The following CORO2B variants were observed in gnomAD, a reference collection of about 807,000 sequenced individuals.
The protein encoded by CORO2B is coronin-2B.
A neutral mutation model predicts 58.8 loss-of-function variants in CORO2B; 26 were observed. The observed-to-expected ratio is 0.44, with a 90% CI of 0.32 to 0.61. CORO2B has a LOEUF of 0.61. CORO2B is among the 20% of genes least tolerant of loss of function. The pLI is 0.04. For synonymous variants in CORO2B, 242 were observed against 253.8 expected (o/e 0.95, Z 0.44); for missense variants, 460 against 645.1 (o/e 0.71, Z 3.11).
At chr15:68,627,351 C>T in intron 1 of CORO2B, among the ~76,000 whole-genome samples, 1 of 152,144 alleles carries the variant, frequency 6.6e-6, no homozygotes, top group East Asian at 1.9e-4. Flanking sequence ...GGGCAACTTG[C>T]CCTCAGTGCC....
the CORO2B span, among the ~76,000 whole-genome samples, chr15:68,543,352 C>T: frequency 2.0e-3 from 306 of 152,270 alleles, no homozygotes; most frequent in African/African-American, 7.0e-3. Context: ...AAATGCCTCT[C>T]TCTCCTGGAC....
At chr15:68,615,950 A>G (rs1227150135) in intron 1 of CORO2B, among the ~76,000 whole-genome samples, 1 of 152,236 alleles carries the variant, frequency 6.6e-6, no homozygotes, top group Non-Finnish European at 1.5e-5. Flanking sequence ...AACTTTGCCC[A>G]GATGAGCAGG....
At chr15:68,545,072 C>A in the CORO2B span, among the ~76,000 whole-genome samples, 1 of 152,182 alleles carries the variant, frequency 6.6e-6, no homozygotes, top group African/African-American at 2.4e-5. Flanking sequence ...CCACGCCCGG[C>A]CTGCAAGGCA....
chr15:68,630,093 C>T (rs1290073829), intron 1 of CORO2B, among the ~76,000 whole-genome samples: 1 of 152,198 alleles, frequency 6.6e-6, no homozygotes, highest in Non-Finnish European at 1.5e-5. Context: ...GCCAGATGTT[C>T]TGCATCCATT....
the CORO2B span, among the ~76,000 whole-genome samples, chr15:68,532,028 T>C: frequency 6.6e-6 from 1 of 152,114 alleles, no homozygotes; most frequent in Admixed American, 6.5e-5. Context: ...AAAAAGTCTG[T>C]GGTATTTTAA....
Position 68,645,062 on chromosome 15 carries a change from G to A in CORO2B, c.16-98G>A, listed in dbSNP as rs773092832. On this transcript the variant is annotated intron_variant, in intron 1 of 11. Transcript: ENST00000261861. This position sits in a 1 kb window ranked among gnomAD's most constrained non-coding sequence, Gnocchi z 4.5. Reference sequence around the variant, plus strand: ...GGGACCCAGGGCCTGCTCACCTGCTGCACCTCTGAGCCGCAGCTTCCCTCC... The same window carrying A: ...GGGACCCAGGGCCTGCTCACCTGCTACACCTCTGAGCCGCAGCTTCCCTCC... 6 of 1,266,934 alleles carry A rather than the reference G, an allele frequency of 4.7e-6. No homozygotes were observed. The highest frequency in any genetic ancestry group is 6.6e-6 in the Non-Finnish European group (6 of 909,414). 78.5% of individuals were successfully genotyped at this position (1,266,934 alleles called of 1,614,324 possible). A position where few individuals can be genotyped will look rare whatever the true frequency, so the allele number is the denominator to read the frequency against.
chr15:68,647,574 G>A (rs984137449), intron 2 of CORO2B, among the ~76,000 whole-genome samples: 8 of 151,812 alleles, frequency 5.3e-5, no homozygotes, highest in Non-Finnish European at 1.0e-4. Context: ...CTGTAATTCC[G>A]GCTGCTCTGG....
intron 3 of CORO2B, among the ~76,000 whole-genome samples, chr15:68,697,741 G>A (rs1028318246): frequency 6.6e-6 from 1 of 152,224 alleles, no homozygotes; most frequent in Non-Finnish European, 1.5e-5. Flanking sequence ...GGGCACAGGT[G>A]CTGGAGCTGG....
chr15:68,673,835 TA>T (rs10579845), intron 2 of CORO2B, among the ~76,000 whole-genome samples: 22,009 of 92,354 alleles, frequency 0.24, 2,237 homozygotes, highest in Middle Eastern at 0.28. Context: ...AGACTCCGTC[TA>T]AAAAAAAAAA....
chr15:68,621,568 G>A (rs1900519945), intron 1 of CORO2B, among the ~76,000 whole-genome samples: 1 of 152,176 alleles, frequency 6.6e-6, no homozygotes. Flanking sequence ...CTGTGGCTCT[G>A]TCTTCATAAC....
upstream of CORO2B, among the ~76,000 whole-genome samples, chr15:68,577,859 C>G (rs1899319012): frequency 6.6e-6 from 1 of 152,194 alleles, no homozygotes; most frequent in African/African-American, 2.4e-5. Context: ...TCTGTTCCCC[C>G]AGCACTTTCC....
intron 2 of CORO2B, among the ~76,000 whole-genome samples, chr15:68,681,810 C>T (rs1024224537): frequency 1.3e-5 from 2 of 152,140 alleles, no homozygotes; most frequent in Admixed American, 6.5e-5. Flanking sequence ...CTCTGAAAAG[C>T]GGAGACATTG....
intron 2 of CORO2B, among the ~76,000 whole-genome samples, chr15:68,685,003 G>A (rs1198002286): frequency 1.3e-5 from 2 of 152,176 alleles, no homozygotes; most frequent in Admixed American, 1.3e-4. Context: ...ACACAGTGAG[G>A]GAAAGTGATG....
At chr15:68,624,254 C>A (rs773019799) in intron 1 of CORO2B, among the ~76,000 whole-genome samples, 6 of 152,206 alleles carry the variant, frequency 3.9e-5, no homozygotes, top group Admixed American at 2.0e-4. Flanking sequence ...TGGTGTGAGA[C>A]TGCAGTCCCA....
chr15:68,704,111 G>A (rs79017522), intron 3 of CORO2B, among the ~76,000 whole-genome samples: 4,762 of 150,766 alleles, frequency 0.032, 230 homozygotes, highest in African/African-American at 0.11. Flanking sequence ...ATGGTGGTGC[G>A]CATCTGTAGT....
chr15:68,534,392 G>T, the CORO2B span, among the ~76,000 whole-genome samples: 1 of 152,178 alleles, frequency 6.6e-6, no homozygotes. Context: ...TGGTAAAGTG[G>T]CACTTCTTAA....
At chr15:68,593,470 G>T (rs900958891) in intron 1 of CORO2B, among the ~76,000 whole-genome samples, 3 of 152,146 alleles carry the variant, frequency 2.0e-5, no homozygotes, top group Non-Finnish European at 4.4e-5. Flanking sequence ...TAGCAGCCAG[G>T]TCTGGATGTA....
At chr15:68,683,380 C>T (rs1437535927) in intron 2 of CORO2B, among the ~76,000 whole-genome samples, 3 of 152,246 alleles carry the variant, frequency 2.0e-5, no homozygotes, top group Non-Finnish European at 4.4e-5. Flanking sequence ...GAGCATGGCT[C>T]TGTGGCGGGG....
the CORO2B span, among the ~76,000 whole-genome samples, chr15:68,536,146 C>T: frequency 1.3e-5 from 2 of 152,252 alleles, no homozygotes; most frequent in Admixed American, 6.5e-5. Context: ...CACTGTATGG[C>T]GTCAGAAACT....
Sources: allele counts gnomAD v4.1 joint callset (sites outside exome capture counted in the v4.1 genomes callset), GRCh38; gene constraint gnomAD v4.1.1; non-coding constraint Gnocchi (gnomAD v3.1); transcripts MANE v1.5; gene names NCBI Gene and HGNC (gene_info 2026-07-23, HGNC 2026-07-21).